The following MCTP1 variants were observed in gnomAD, a reference collection of about 807,000 sequenced individuals.
The protein encoded by MCTP1 is multiple C2 and transmembrane domain-containing protein 1.
In MCTP1, 69 loss-of-function variants were observed where a neutral mutation model predicts 120.6. That is an observed-to-expected ratio of 0.57 (90% CI 0.47 to 0.70). The LOEUF is 0.70. MCTP1 is among the 30% of genes least tolerant of loss of function. The pLI is 0.00. For missense variants in MCTP1, 1,203 were observed against 1,248.8 expected (o/e 0.96, Z 0.55); for synonymous variants, 529 against 493.1 (o/e 1.07, Z -0.96).
At chr5:95,178,742 A>T (rs1748291788) in intron 1 of MCTP1, among the ~76,000 whole-genome samples, 1 of 152,172 alleles carries the variant, frequency 6.6e-6, no homozygotes, top group Non-Finnish European at 1.5e-5. Context: ...CAGAAAAATA[A>T]TTCTGGTATT....
intron 2 of MCTP1, among the ~76,000 whole-genome samples, chr5:94,988,523 A>C (rs1408349649): frequency 1.3e-5 from 2 of 151,662 alleles, no homozygotes; most frequent in Non-Finnish European, 2.9e-5. Context: ...CATTCTGTTC[A>C]TTGGATGCTA....
chr5:94,747,867 G>A (rs1767288701), intron 19 of MCTP1, among the ~76,000 whole-genome samples: 1 of 152,134 alleles, frequency 6.6e-6, no homozygotes, highest in Non-Finnish European at 1.5e-5. Flanking sequence ...AAGACAGGTG[G>A]ATCATCTGAG....
intron 3 of MCTP1, among the ~76,000 whole-genome samples, chr5:94,950,426 T>A (rs966838788): frequency 6.6e-6 from 1 of 152,158 alleles, no homozygotes; most frequent in Admixed American, 6.5e-5. Flanking sequence ...TTTCTTAGTT[T>A]CTTTACTCAT....
intron 19 of MCTP1, among the ~76,000 whole-genome samples, chr5:94,728,335 A>T (rs1270543874): frequency 2.0e-5 from 3 of 152,228 alleles, no homozygotes; most frequent in African/African-American, 7.2e-5. Flanking sequence ...GCAATGTCGA[A>T]GTCATGTTAA....
intron 3 of MCTP1, 72 bp from the exon 4 acceptor site, chr5:94,942,499 C>T: frequency 9.1e-7 from 1 of 1,102,702 alleles, no homozygotes; most frequent in Non-Finnish European, 1.3e-6. Context: ...ATGTCTTGGT[C>T]ATAAAATGTT....
chr5:95,176,624 G>C (rs1162229593), intron 1 of MCTP1, among the ~76,000 whole-genome samples: 1 of 152,294 alleles, frequency 6.6e-6, no homozygotes, highest in Non-Finnish European at 1.5e-5. Context: ...AAGGAGGATA[G>C]ATTTTGTGAG....
At chr5:95,096,059 T>C (rs1756243613) in intron 1 of MCTP1, among the ~76,000 whole-genome samples, 1 of 152,182 alleles carries the variant, frequency 6.6e-6, no homozygotes. Context: ...TGAAAAAATG[T>C]GATACTAATG....
chr5:94,945,235 C>T (rs1012583884), intron 3 of MCTP1, among the ~76,000 whole-genome samples: 1 of 152,156 alleles, frequency 6.6e-6, no homozygotes, highest in Non-Finnish European at 1.5e-5. Context: ...CATTAGGTAA[C>T]AGGTAGAAGT....
chr5:94,873,334 T>C, intron 12 of MCTP1, 93 bp from the exon 13 acceptor site: 2 of 655,234 alleles, frequency 3.1e-6, no homozygotes, highest in Non-Finnish European at 5.2e-6. Context: ...GCAAAAAGTT[T>C]TATAGTAAAC....
intron 17 of MCTP1, among the ~76,000 whole-genome samples, chr5:94,802,969 T>C (rs1781520876): frequency 6.6e-6 from 1 of 152,176 alleles, no homozygotes; most frequent in African/African-American, 2.4e-5. Context: ...TCCTTCACTA[T>C]AGCACCCTTT....
chr5:94,770,289 C>T (rs764990517), intron 19 of MCTP1, among the ~76,000 whole-genome samples: 4 of 152,116 alleles, frequency 2.6e-5, no homozygotes, highest in Non-Finnish European at 5.9e-5. Context: ...GTCAACCTCC[C>T]GAGAGCCAGG....
intron 2 of MCTP1, among the ~76,000 whole-genome samples, chr5:94,958,403 A>T (rs1823233206): frequency 6.6e-6 from 1 of 152,184 alleles, no homozygotes; most frequent in Non-Finnish European, 1.5e-5. Flanking sequence ...GCAGAAGACA[A>T]GAAATAACTA....
At chr5:95,070,169 C>G (rs1304299421) in intron 1 of MCTP1, among the ~76,000 whole-genome samples, 1 of 152,248 alleles carries the variant, frequency 6.6e-6, no homozygotes, top group East Asian at 1.9e-4. Context: ...ACCCATCTAT[C>G]AGCACCAGGT....
At position 94,868,388 on chromosome 5, in the gene MCTP1, T is replaced by A. The variant is rs148723280; in HGVS notation, c.2381A>T (p.Tyr794Phe). ...CVMVLVNAAY[Y>F]VNSCFDWDSP... ...ATCCCAATCAAAGCAACTATTAACG[T>A]AGTATGCAGCATTTACCAGCACCAT... Residue 794 changes from tyrosine (Y) to phenylalanine (F), a missense_variant, in exon 17 of 23, where the codon TAC becomes TTC. Coordinates refer to ENST00000515393, the MANE Select transcript of MCTP1 (RefSeq NM_024717.7). 1,000 of 1,609,402 alleles carry A rather than the reference T, an allele frequency of 6.2e-4. 9 individuals are homozygous for A. The East Asian group carries it at 0.018, about 29-fold the overall frequency.
chr5:94,966,073 C>G (rs1431858610), intron 2 of MCTP1, among the ~76,000 whole-genome samples: 1 of 152,190 alleles, frequency 6.6e-6, no homozygotes, highest in Non-Finnish European at 1.5e-5. Flanking sequence ...AATCCTCAAA[C>G]TGACTTTGAG....
chr5:94,815,290 G>A (rs898130757), intron 17 of MCTP1, among the ~76,000 whole-genome samples: 1 of 152,116 alleles, frequency 6.6e-6, no homozygotes, highest in African/African-American at 2.4e-5. Context: ...TATTTTTCAT[G>A]ATAAAGCTTA....
At chr5:95,278,578 C>T (rs116796355) in intron 1 of MCTP1, among the ~76,000 whole-genome samples, 248 of 152,232 alleles carry the variant, frequency 1.6e-3, no homozygotes, top group African/African-American at 5.8e-3. Flanking sequence ...TTATTTAGAA[C>T]GCTTGACTTA....
chr5:95,013,505 C>T (rs4404662), intron 2 of MCTP1, among the ~76,000 whole-genome samples: 142,431 of 152,096 alleles, frequency 0.94, 67,381 homozygotes, highest in East Asian at 1. Context: ...AGCTGGTGAC[C>T]TTAAGTTGAT....
At chr5:94,931,847 A>G (rs1814760949) in intron 6 of MCTP1, 106 bp downstream of exon 6, 3 of 833,592 alleles carry the variant, frequency 3.6e-6, no homozygotes, top group Admixed American at 4.6e-5. Flanking sequence ...ACAATTGAAT[A>G]GTATGAAATC....
Sources: allele counts gnomAD v4.1 joint callset (sites outside exome capture counted in the v4.1 genomes callset), GRCh38; gene constraint gnomAD v4.1.1; transcripts MANE v1.5; gene names NCBI Gene and HGNC (gene_info 2026-07-23, HGNC 2026-07-21).